Variants in BCAR3 observed in about 807,000 individuals in gnomAD.
The protein encoded by BCAR3 is breast cancer anti-estrogen resistance protein 3.
Under a neutral mutation model 80.1 loss-of-function variants are expected in BCAR3, and 37 were observed. That is an observed-to-expected ratio of 0.46 (90% confidence interval 0.36 to 0.61). BCAR3 has a LOEUF of 0.61. Ranked by LOEUF, BCAR3 falls within the 20% of genes least tolerant of loss-of-function variation. The pLI is 0.00. For missense variants in BCAR3, 978 were observed against 1,068.2 expected (o/e 0.92, Z 1.18); for synonymous variants, 389 against 418.9 (o/e 0.93, Z 0.87).
intron 2 of BCAR3, among the ~76,000 whole-genome samples, chr1:93,777,590 T>A (rs1274931621): frequency 6.7e-6 from 1 of 148,276 alleles, no homozygotes; most frequent in East Asian, 2.0e-4. Flanking sequence ...CCTGGCTAAT[T>A]TAAAATTTTT....
chr1:93,741,173 T>A (rs1365484164), intron 2 of BCAR3, among the ~76,000 whole-genome samples: 3 of 152,218 alleles, frequency 2.0e-5, no homozygotes, highest in Non-Finnish European at 4.4e-5. Context: ...CAGTTAATGG[T>A]AGGGGTTAGT....
At chr1:93,562,768 CAAAAAAAA>C (rs35374992) in intron 11 of BCAR3, among the ~76,000 whole-genome samples, 1 of 76,898 alleles carries the variant, frequency 1.3e-5, no homozygotes, top group African/African-American at 5.6e-5. Flanking sequence ...GACTCCATCT[CAAAAAAAA>C]AAAAAAAAAA....
intron 2 of BCAR3, among the ~76,000 whole-genome samples, chr1:93,838,622 G>A (rs1401585528): frequency 6.6e-6 from 1 of 152,116 alleles, no homozygotes; most frequent in East Asian, 1.9e-4. Flanking sequence ...CCCCTTTCTA[G>A]TCATTTATAG....
rs78484820 is a variant in BCAR3 at position 93,640,254 on chromosome 1, C to T, written c.357+2050G>A. Reference sequence around the variant, plus strand: ...GTGAGAAGTGCTACAACAGACCCAACCCAAGAAGATGGGTCCCTGGGTCCC... The same window carrying T: ...GTGAGAAGTGCTACAACAGACCCAATCCAAGAAGATGGGTCCCTGGGTCCC... On this transcript the variant is annotated intron_variant, in intron 3 of 11. Coordinates refer to ENST00000260502, the MANE Select transcript of BCAR3 (RefSeq NM_003567.4). 2.2e-4 allele frequency among the ~76,000 whole-genome samples: 33 copies of T among 152,272 alleles called. No individual in the cohort carries two copies. In the East Asian group the frequency reaches 6.0e-3, roughly 28 times the overall value.
At chr1:93,814,127 A>G (rs143916267) in intron 2 of BCAR3, among the ~76,000 whole-genome samples, 11 of 152,274 alleles carry the variant, frequency 7.2e-5, no homozygotes, top group Admixed American at 2.6e-4. Context: ...CAATACTGGT[A>G]TGTTAGCTTT....
At chr1:93,594,121 G>A (rs891813681) in intron 3 of BCAR3, among the ~76,000 whole-genome samples, 1 of 152,148 alleles carries the variant, frequency 6.6e-6, no homozygotes, top group Non-Finnish European at 1.5e-5. Flanking sequence ...TGTCTGACTT[G>A]CCTCCCACTA....
chr1:93,790,367 A>G (rs1245930865), intron 2 of BCAR3, among the ~76,000 whole-genome samples: 1 of 152,120 alleles, frequency 6.6e-6, no homozygotes, highest in Non-Finnish European at 1.5e-5. Context: ...ATTTATCCAG[A>G]ACTGTAATTA....
intron 3 of BCAR3, among the ~76,000 whole-genome samples, chr1:93,607,892 C>A (rs185184393): frequency 1.2e-4 from 18 of 152,314 alleles, no homozygotes; most frequent in Non-Finnish European, 2.1e-4. Context: ...CATCCGCCCA[C>A]CAGACACAGC....
intron 1 of BCAR3, among the ~76,000 whole-genome samples, chr1:93,675,656 A>G (rs938641113): frequency 1.3e-5 from 2 of 152,124 alleles, no homozygotes; most frequent in African/African-American, 4.8e-5. Flanking sequence ...GTGCCTGTAC[A>G]GTCGGGGAAG....
rs180884491 is a variant in BCAR3 at position 93,585,006 on chromosome 1, A to C, written c.930-885T>G. 446 of 985,260 alleles carry C rather than the reference A, an allele frequency of 4.5e-4. 2 individuals carry two copies. In the African/African-American group the frequency reaches 7.0e-3, roughly 15 times the overall value. 61.0% of individuals were successfully genotyped at this position (985,260 alleles called of 1,614,324 possible). ...CACCAAAGAAAAAACAAATCAAAAA[A>C]CCCCCAAACTCCAAGGAACAGAGAA... On this transcript the variant is annotated intron_variant, in intron 5 of 11. Transcript: ENST00000260502.
intron 8 of BCAR3, 140 bp from the exon 9 acceptor site, chr1:93,571,981 G>T: frequency 1.9e-6 from 2 of 1,034,538 alleles, no homozygotes; most frequent in Non-Finnish European, 2.8e-6. Flanking sequence ...AGTTTAGACG[G>T]CCAATCTCAA....
Position 93,591,448 on chromosome 1 carries a change from C to G in BCAR3, c.486+817G>C, listed in dbSNP as rs535502393. 2.2e-4 allele frequency among the ~76,000 whole-genome samples: 33 copies of G among 152,106 alleles called. No individual in the cohort carries two copies. In the East Asian group the frequency reaches 6.2e-3, roughly 28 times the overall value. On this transcript the variant is annotated intron_variant, in intron 4 of 11. Transcript: ENST00000260502. ...TGAGATTGTGCTATTGCACTCCAGC[C>G]TGGGTGATAGAGTAAGACTCTGTCT...
At chr1:93,763,593 C>T (rs1392317400) in intron 2 of BCAR3, among the ~76,000 whole-genome samples, 1 of 152,202 alleles carries the variant, frequency 6.6e-6, no homozygotes, top group Non-Finnish European at 1.5e-5. Context: ...TCCTCACTCT[C>T]GAGCAATGCA....
At chr1:93,567,211 G>T in intron 11 of BCAR3, 68 bp downstream of exon 11, 1 of 1,555,630 alleles carries the variant, frequency 6.4e-7, no homozygotes. Flanking sequence ...AGTCAGCCAT[G>T]CTCTTCCATT....
chr1:93,840,272 G>A (rs1200722438), intron 2 of BCAR3, among the ~76,000 whole-genome samples: 1 of 152,160 alleles, frequency 6.6e-6, no homozygotes, highest in Non-Finnish European at 1.5e-5. Context: ...CTTGGGGACA[G>A]GTGCCTGGAT....
At chr1:93,579,287 C>A (rs561874742) in intron 7 of BCAR3, among the ~76,000 whole-genome samples, 1 of 152,348 alleles carries the variant, frequency 6.6e-6, no homozygotes, top group South Asian at 2.1e-4. Flanking sequence ...AACAACAGGT[C>A]TTGTTGTATT....
chr1:93,564,353 GGTGCAACCTCT>G (rs1163168544), intron 11 of BCAR3, among the ~76,000 whole-genome samples: 5 of 142,768 alleles, frequency 3.5e-5, no homozygotes, highest in Non-Finnish European at 7.5e-5. Context: ...GAAGTGCAAT[GGTGCAACCTCT>G]GCCTCCTGGG....
rs1196127881 is a variant in BCAR3, at chr1:93,667,356, T to G, written c.317+7258A>C. Among the ~76,000 whole-genome samples, 5 of 152,316 alleles carry G rather than the reference T, an allele frequency of 3.3e-5. No homozygotes were observed. In the East Asian group the frequency reaches 9.6e-4, roughly 29 times the overall value. ...TGTGAAAGTCAGAGCTCTGAGATTC[T>G]GTGGAGCCTTCATATTTAGTGAGCA... On this transcript the variant is annotated intron_variant, in intron 2 of 11. Transcript: ENST00000260502.
chr1:93,692,798 T>A (rs997395035), intron 3 of BCAR3, among the ~76,000 whole-genome samples: 1 of 152,102 alleles, frequency 6.6e-6, no homozygotes, highest in Non-Finnish European at 1.5e-5. Context: ...CAGTGAATCT[T>A]AAGAGAAGCA....
Sources: allele counts gnomAD v4.1 joint callset (sites outside exome capture counted in the v4.1 genomes callset), GRCh38; gene constraint gnomAD v4.1.1; transcripts MANE v1.5; gene names NCBI Gene and HGNC (gene_info 2026-07-23, HGNC 2026-07-21).